The following KRABD3 variants were observed in gnomAD, a reference collection of about 807,000 sequenced individuals.
KRABD3 encodes KRAB domain-containing protein 3.
At chr7:149,728,229 C>A in the KRABD3 span, among the ~76,000 whole-genome samples, 2 of 152,234 alleles carry the variant, frequency 1.3e-5, no homozygotes, top group Non-Finnish European at 2.9e-5. Flanking sequence ...GATGTGTCAT[C>A]CCTCACGGTG....
the KRABD3 span, among the ~76,000 whole-genome samples, chr7:149,715,792 A>G: frequency 6.6e-6 from 1 of 152,070 alleles, no homozygotes; most frequent in Non-Finnish European, 1.5e-5. Flanking sequence ...ATTTGGGGAG[A>G]AGGGAGAGGC....
At chr7:149,733,123 A>AG in the KRABD3 span, 1 of 1,480,762 alleles carries the variant, frequency 6.8e-7, no homozygotes, top group Non-Finnish European at 9.1e-7. Flanking sequence ...CAGAGTACTG[A>AG]GCGCCCTTGG....
chr7:149,730,560 T>A, the KRABD3 span: 4 of 1,611,752 alleles, frequency 2.5e-6, no homozygotes, highest in East Asian at 8.9e-5. Flanking sequence ...TGCAGCGGCC[T>A]CGGTGCAGGT....
chr7:149,729,313 CG>C, the KRABD3 span: 1 of 1,599,074 alleles, frequency 6.3e-7, no homozygotes, highest in Non-Finnish European at 8.5e-7. Flanking sequence ...CTGCCACCAG[CG>C]GGGGTTCAAA....
the KRABD3 span, among the ~76,000 whole-genome samples, chr7:149,718,302 G>T: frequency 6.6e-6 from 1 of 152,062 alleles, no homozygotes; most frequent in Non-Finnish European, 1.5e-5. Flanking sequence ...AATTGTCTTT[G>T]CTTTATTAGG....
the KRABD3 span, chr7:149,731,646 C>G: frequency 3.2e-6 from 5 of 1,568,932 alleles, no homozygotes; most frequent in South Asian, 2.3e-5. Context: ...TCTCCCTGCC[C>G]CAAGGTCTCT....
chr7:149,729,562 G>A, the KRABD3 span: 1 of 985,362 alleles, frequency 1.0e-6, no homozygotes, highest in African/African-American at 1.7e-5. Context: ...GTGCTGACAA[G>A]GAGCGGGGTC....
chr7:149,716,989 A>G, the KRABD3 span, among the ~76,000 whole-genome samples: 3 of 152,176 alleles, frequency 2.0e-5, no homozygotes, highest in African/African-American at 7.2e-5. Context: ...ACTAGTATGA[A>G]ACAAGGCAGG....
chr7:149,718,174 A>G, the KRABD3 span, among the ~76,000 whole-genome samples: 2 of 152,112 alleles, frequency 1.3e-5, no homozygotes, highest in South Asian at 2.1e-4. Context: ...TGGGAGACCA[A>G]TGTGGGAGAA....
chr7:149,733,476 G>A, the KRABD3 span: 9 of 1,578,874 alleles, frequency 5.7e-6, no homozygotes, highest in East Asian at 2.4e-5. Context: ...CTGGGGAGGC[G>A]CCCCCAAGGC....
At chr7:149,726,785 CTG>C in the KRABD3 span, among the ~76,000 whole-genome samples, 1 of 152,054 alleles carries the variant, frequency 6.6e-6, no homozygotes, top group Non-Finnish European at 1.5e-5. Flanking sequence ...CACCTGTAGT[CTG>C]TAGTCCAGCT....
the KRABD3 span, chr7:149,719,387 C>G: frequency 1.4e-6 from 1 of 693,072 alleles, no homozygotes; most frequent in Non-Finnish European, 2.3e-6. This position sits in a 1 kb window ranked among gnomAD's most constrained non-coding sequence, Gnocchi z 5.6. Context: ...CACAGCTCAC[C>G]CCCAGCACTG....
chr7:149,730,075 T>G, the KRABD3 span: 8 of 1,429,654 alleles, frequency 5.6e-6, no homozygotes, highest in African/African-American at 1.1e-4. Flanking sequence ...CGGTTCTGTG[T>G]GCCCAGACAC....
chr7:149,725,992 C>G, the KRABD3 span: 1 of 1,612,092 alleles, frequency 6.2e-7, no homozygotes, highest in African/African-American at 1.3e-5. Context: ...TTCTCCTCAT[C>G]CAGCAGCACC....
At chr7:149,730,458 C>G in the KRABD3 span, 1 of 1,601,970 alleles carries the variant, frequency 6.2e-7, no homozygotes, top group Non-Finnish European at 8.5e-7. Flanking sequence ...TGTAAGCCTC[C>G]TGTCCCTCTG....
chr7:149,716,175 C>T, the KRABD3 span, among the ~76,000 whole-genome samples: 9 of 152,106 alleles, frequency 5.9e-5, no homozygotes, highest in African/African-American at 1.9e-4. Flanking sequence ...AGCCTGAGGC[C>T]CACTGGGAGA....
the KRABD3 span, chr7:149,725,622 C>A: frequency 2.0e-6 from 2 of 1,019,546 alleles, no homozygotes; most frequent in Non-Finnish European, 2.8e-6. Context: ...GCCTTTCATA[C>A]TCACTCCCAA....
At chr7:149,729,767 C>A in the KRABD3 span, 4 of 985,228 alleles carry the variant, frequency 4.1e-6, no homozygotes, top group East Asian at 4.5e-4. Context: ...CGAGGATGGG[C>A]CCTAACTGAG....
chr7:149,725,894 C>T, the KRABD3 span: 9 of 1,584,800 alleles, frequency 5.7e-6, no homozygotes, highest in East Asian at 1.6e-4. Context: ...CAGAAGCGAC[C>T]AGAGAGCCTG....
Sources: gnomAD v4.1 joint callset for allele counts (sites outside exome capture counted in the v4.1 genomes callset) on GRCh38, gnomAD v4.1.1 for gene constraint, Gnocchi (gnomAD v3.1) non-coding constraint, MANE v1.5 for transcripts, NCBI Gene and HGNC (gene_info 2026-07-23, HGNC 2026-07-21) for gene names.